Variants in GNB5 observed in about 807,000 individuals in gnomAD.
GNB5 encodes G protein subunit beta 5, also known as guanine nucleotide-binding protein subunit beta-5.
GNB5 carries 37 observed loss-of-function variants against 55.3 expected under a neutral mutation model. That is an observed-to-expected ratio of 0.67 (90% CI 0.51 to 0.88). The LOEUF (loss-of-function observed/expected upper bound fraction) is 0.88. Among genes scored for constraint, GNB5 ranks in the 40% least tolerant of loss-of-function variants. The probability of loss-of-function intolerance (pLI) is 0.00; values close to 1 mark genes in which losing one functional copy is unlikely to be tolerated. For synonymous variants in GNB5, 219 were observed against 198.5 expected (o/e 1.10, Z -0.87); for missense variants, 476 against 515.3 (o/e 0.92, Z 0.74).
At position 52,117,102 on chromosome 15, in the gene GNB5, A is replaced by ATATATATTTTTTTTTTTTTTTTTTTTTTT; in HGVS notation, c.*5654_*5655insAAAAAAAAAAAAAAAAAAAAAAATATATA. 1 of 87,102 alleles carries ATATATATTTTTTTTTTTTTTTTTTTTTTT rather than the reference A, an allele frequency of 1.1e-5. No individual in the cohort carries two copies. Among genetic ancestry groups the ATATATATTTTTTTTTTTTTTTTTTTTTTT allele is most frequent in the African/African-American group, 6.1e-5 (1 of 16,420 alleles). 5.4% of individuals were successfully genotyped at this position (87,102 alleles called of 1,614,324 possible). ...CCACGCCCAGCTAATATATATATAT[A>ATATATATTTTTTTTTTTTTTTTTTTTTTT]TTTTTTTTTAGTACAGACAGGGTTT... On this transcript the variant is annotated 3_prime_UTR_variant, in exon 13 of 13. Coordinates refer to ENST00000261837, the MANE Select transcript of GNB5 (RefSeq NM_016194.4).
intron 3 of GNB5, among the ~76,000 whole-genome samples, chr15:52,161,258 G>A (rs2034325235): frequency 6.6e-6 from 1 of 152,146 alleles, no homozygotes; most frequent in African/African-American, 2.4e-5. Context: ...CACTGACAAT[G>A]GCTTCTTAGT....
intron 3 of GNB5, among the ~76,000 whole-genome samples, chr15:52,174,481 G>T (rs2034611558): frequency 6.6e-6 from 1 of 152,124 alleles, no homozygotes; most frequent in South Asian, 2.1e-4. Context: ...GGGGCTTGGG[G>T]CTGTGGAGTT....
intron 5 of GNB5, among the ~76,000 whole-genome samples, chr15:52,148,484 C>T (rs1029981065): frequency 6.6e-6 from 1 of 152,132 alleles, no homozygotes; most frequent in South Asian, 2.1e-4. Flanking sequence ...TGTGCGGTTG[C>T]ACATCTTGGT....
At chr15:52,178,657 T>C (rs1048396933) in intron 3 of GNB5, among the ~76,000 whole-genome samples, 7 of 152,198 alleles carry the variant, frequency 4.6e-5, no homozygotes, top group African/African-American at 1.7e-4. Flanking sequence ...TAGTGATTGC[T>C]GGACAGGATT....
chr15:52,183,871 A>G (rs2034808205), intron 2 of GNB5, among the ~76,000 whole-genome samples: 1 of 152,252 alleles, frequency 6.6e-6, no homozygotes, highest in African/African-American at 2.4e-5. Context: ...AAGCCTGTGC[A>G]CAGCCACCTC....
At chr15:52,184,738 A>G (rs2034820350) in intron 1 of GNB5, 44 bp from the exon 2 acceptor site, 3 of 1,549,286 alleles carry the variant, frequency 1.9e-6, no homozygotes, top group Non-Finnish European at 2.7e-6. Context: ...AGAAAAGCCA[A>G]TGGTTTTAAC....
rs1241337937 is a variant in GNB5 at position 52,118,835 on chromosome 15, A to C, written c.*3922T>G. 7.0e-6 allele frequency: 1 copy of C among 142,064 alleles called. No individual in the cohort carries two copies. The highest frequency in any genetic ancestry group is 7.7e-5 in the Admixed American group (1 of 13,032). The allele number at this position is 142,064 out of a possible 1,614,324, so 8.8% of individuals were successfully genotyped here. ...AGTGAGCCCGAGATCGCGCCACTGC[A>C]CTCCAGCCTGGGCAACAAGAGCAAA... On this transcript the variant is annotated 3_prime_UTR_variant, in exon 13 of 13. Coordinates refer to ENST00000261837, the MANE Select transcript of GNB5 (RefSeq NM_016194.4).
chr15:52,189,684 G>T (rs986880805), intron 1 of GNB5, among the ~76,000 whole-genome samples: 14 of 152,110 alleles, frequency 9.2e-5, no homozygotes, highest in African/African-American at 3.1e-4. Context: ...TCCACCAACC[G>T]ACAAATGAAA....
intron 4 of GNB5, among the ~76,000 whole-genome samples, chr15:52,151,382 C>T (rs770105173): frequency 7.9e-5 from 12 of 152,168 alleles, no homozygotes; most frequent in African/African-American, 2.2e-4. Context: ...TGTGCTCTGG[C>T]GTCTCATTAA....
intron 9 of GNB5, chr15:52,128,589 A>T: frequency 1.8e-6 from 1 of 541,678 alleles, no homozygotes; most frequent in South Asian, 1.5e-5. Flanking sequence ...ATGAGCACAG[A>T]CACTGAATCA....
At position 52,117,089 on chromosome 15, in the gene GNB5, A is replaced by AATTT. The variant is rs1243957202; in HGVS notation, c.*5667_*5668insAAAT. On this transcript the variant is annotated 3_prime_UTR_variant, in exon 13 of 13. Coordinates refer to ENST00000261837, the MANE Select transcript of GNB5 (RefSeq NM_016194.4). ...CAGGCACCTGCCACCACGCCCAGCT[A>AATTT]ATATATATATATATTTTTTTTTAGT... 2.3e-5 allele frequency: 2 copies of AATTT among 85,474 alleles called. No homozygotes were observed. Among genetic ancestry groups the AATTT allele is most frequent in the African/African-American group, 2.3e-4 (2 of 8,820 alleles). 5.3% of individuals were successfully genotyped at this position (85,474 alleles called of 1,614,324 possible). A position where few individuals can be genotyped will look rare whatever the true frequency, so the allele number is the denominator to read the frequency against.
intron 3 of GNB5, among the ~76,000 whole-genome samples, chr15:52,164,435 G>A (rs548474580): frequency 1.3e-5 from 2 of 151,660 alleles, no homozygotes; most frequent in African/African-American, 2.4e-5. Flanking sequence ...TGGCTAACAC[G>A]GTGAAACCCC....
At chr15:52,151,144 T>C (rs2034084633) in intron 4 of GNB5, among the ~76,000 whole-genome samples, 1 of 152,164 alleles carries the variant, frequency 6.6e-6, no homozygotes, top group African/African-American at 2.4e-5. Context: ...TAATTCTGCC[T>C]AAATGGCCAC....
At position 52,121,572 on chromosome 15, in the gene GNB5, T is replaced by C. The variant is rs1269077970; in HGVS notation, c.*1185A>G. ...ATTCATGACTATCAATCAATCTGCA[T>C]ATGTAATTATAATTGCAATGCAATA... On this transcript the variant is annotated 3_prime_UTR_variant, in exon 13 of 13. Coordinates refer to ENST00000261837, the MANE Select transcript of GNB5 (RefSeq NM_016194.4). 1 of 152,120 alleles carries C rather than the reference T, an allele frequency of 6.6e-6. No homozygotes were observed. The highest frequency in any genetic ancestry group is 6.5e-5 in the Admixed American group (1 of 15,270). The allele number at this position is 152,120 out of a possible 1,614,324, so 9.4% of individuals were successfully genotyped here. A position where few individuals can be genotyped will look rare whatever the true frequency, so the allele number is the denominator to read the frequency against.
intron 3 of GNB5, among the ~76,000 whole-genome samples, chr15:52,162,228 C>T (rs554395438): frequency 1.0e-3 from 156 of 152,322 alleles, no homozygotes; most frequent in African/African-American, 3.7e-3. Flanking sequence ...GAGAGTATCT[C>T]ACAGGGCCTT....
chr15:52,122,208 T>C lies in GNB5; in HGVS notation c.*549A>G, dbSNP rs889753083. ...GAAAAAAGACAATAGAACAGGAAGC[T>C]GAAAAAGATACTTTTACAATAAAAA... On this transcript the variant is annotated 3_prime_UTR_variant, in exon 13 of 13. Coordinates refer to ENST00000261837, the MANE Select transcript of GNB5 (RefSeq NM_016194.4). 1 of 152,348 alleles carries C rather than the reference T, an allele frequency of 6.6e-6. No homozygotes were observed. Among genetic ancestry groups the C allele is most frequent in the Non-Finnish European group, 1.5e-5 (1 of 68,116 alleles). 9.4% of individuals were successfully genotyped at this position (152,348 alleles called of 1,614,324 possible).
chr15:52,137,168 C>T (rs1222027416), intron 7 of GNB5: 3 of 972,944 alleles, frequency 3.1e-6, no homozygotes, highest in African/African-American at 3.4e-5. Context: ...GGAGGTTCTC[C>T]CTTACTGTGG....
At chr15:52,174,557 G>C (rs2034613440) in intron 3 of GNB5, among the ~76,000 whole-genome samples, 1 of 152,162 alleles carries the variant, frequency 6.6e-6, no homozygotes, top group Admixed American at 6.5e-5. Context: ...ATTTAATGTT[G>C]GCCAAGGGTC....
Position 52,135,706 on chromosome 15 carries a change from G to A in GNB5, c.678C>T (p.Ser226=), listed in dbSNP as rs762552186. 19 of 1,612,548 alleles carry A rather than the reference G, an allele frequency of 1.2e-5. No homozygotes were observed. The highest frequency in any genetic ancestry group is 1.8e-4 in the Middle Eastern group (1 of 5,696). ...CGTGGAAGCTCTGCAGCAGCTGCCC[G>A]CTCTCCACGTCCCACAGGGCACATG... ...DGTCALWDVE[S]GQLLQSFHGH... Residue 226 remains serine (S), a synonymous_variant, in exon 8 of 13, where the codon AGC becomes AGT. Transcript: ENST00000261837.
Sources: allele counts gnomAD v4.1 joint callset (sites outside exome capture counted in the v4.1 genomes callset), GRCh38; gene constraint gnomAD v4.1.1; transcripts MANE v1.5; gene names NCBI Gene and HGNC (gene_info 2026-07-23, HGNC 2026-07-21).